The following CPED1 variants were observed in gnomAD, a reference collection of about 807,000 sequenced individuals.
CPED1 encodes the protein cadherin-like and PC-esterase domain-containing protein 1.
CPED1 carries 114 observed loss-of-function variants against 128.2 expected under a neutral mutation model. That is an observed-to-expected ratio of 0.89 (90% CI 0.76 to 1.04). The LOEUF is 1.04. CPED1 is among the 50% of genes least tolerant of loss of function. CPED1 has a pLI of 0.00. For missense variants in CPED1, 1,211 were observed against 1,207.1 expected (o/e 1.00, Z -0.05); for synonymous variants, 462 against 426.7 (o/e 1.08, Z -1.02).
chr7:121,238,641 C>T (rs968491895), intron 17 of CPED1, among the ~76,000 whole-genome samples: 1 of 151,900 alleles, frequency 6.6e-6, no homozygotes, highest in Non-Finnish European at 1.5e-5. Context: ...GGCACAGGGC[C>T]ATTCATAGGG....
chr7:121,091,545 A>G (rs1041891124), intron 5 of CPED1, among the ~76,000 whole-genome samples: 1 of 152,184 alleles, frequency 6.6e-6, no homozygotes, highest in Non-Finnish European at 1.5e-5. Flanking sequence ...CGAAGTTAGA[A>G]ACAAGATTTC....
At chr7:121,192,408 C>A (rs1797162843) in intron 16 of CPED1, among the ~76,000 whole-genome samples, 1 of 152,132 alleles carries the variant, frequency 6.6e-6, no homozygotes, top group Non-Finnish European at 1.5e-5. Flanking sequence ...CTAAAAACAT[C>A]TGAAGTCCAA....
At chr7:121,126,391 C>T (rs1429888979) in intron 9 of CPED1, among the ~76,000 whole-genome samples, 2 of 151,382 alleles carry the variant, frequency 1.3e-5, no homozygotes, top group Non-Finnish European at 2.9e-5. Context: ...CTTTTCCTTC[C>T]TCTCAAATTA....
intron 16 of CPED1, among the ~76,000 whole-genome samples, chr7:121,191,201 C>A (rs1797129941): frequency 6.6e-6 from 1 of 152,092 alleles, no homozygotes; most frequent in African/African-American, 2.4e-5. Context: ...ATATAAACCG[C>A]AATCCAAACT....
At chr7:121,185,281 G>A (rs1796978012) in intron 16 of CPED1, among the ~76,000 whole-genome samples, 1 of 152,180 alleles carries the variant, frequency 6.6e-6, no homozygotes, top group South Asian at 2.1e-4. Context: ...TCTATACAGA[G>A]ATGGCAAAAG....
chr7:121,155,809 A>G (rs563333953), intron 16 of CPED1, among the ~76,000 whole-genome samples: 8 of 152,302 alleles, frequency 5.3e-5, no homozygotes, highest in South Asian at 2.1e-4. Flanking sequence ...AGATTTTTGT[A>G]TAAGACCTTA....
At chr7:121,263,853 C>A (rs1792068803) in intron 18 of CPED1, among the ~76,000 whole-genome samples, 1 of 152,014 alleles carries the variant, frequency 6.6e-6, no homozygotes, top group African/African-American at 2.4e-5. Context: ...AAAACCCACA[C>A]TGGCAATTTA....
intron 16 of CPED1, among the ~76,000 whole-genome samples, chr7:121,200,314 T>C (rs1184774372): frequency 6.6e-6 from 1 of 152,116 alleles, no homozygotes; most frequent in East Asian, 1.9e-4. Flanking sequence ...CCAGCCTCTC[T>C]GCTGGTGAAA....
At chr7:121,257,207 C>A (rs1163409513) in intron 18 of CPED1, among the ~76,000 whole-genome samples, 1 of 151,918 alleles carries the variant, frequency 6.6e-6, no homozygotes, top group African/African-American at 2.4e-5. Context: ...TACGCCATAT[C>A]TGCAATAAAA....
chr7:121,151,865 C>CCTTTG (rs1796167317), intron 16 of CPED1, among the ~76,000 whole-genome samples: 2 of 93,800 alleles, frequency 2.1e-5, no homozygotes, highest in Non-Finnish European at 4.7e-5. Context: ...TTTCCACATG[C>CCTTTG]ATGTGACATT....
At chr7:121,251,832 A>G (rs200299025) in intron 18 of CPED1, among the ~76,000 whole-genome samples, 44,793 of 125,386 alleles carry the variant, frequency 0.36, 9,134 homozygotes, top group Middle Eastern at 0.47. Context: ...ACAAATGGAA[A>G]AACATTCCAT....
chr7:121,187,461 A>T (rs1018314757), intron 16 of CPED1, among the ~76,000 whole-genome samples: 2 of 152,166 alleles, frequency 1.3e-5, no homozygotes, highest in Non-Finnish European at 2.9e-5. Context: ...AGAGGGTGAT[A>T]TATGAAGAGG....
At chr7:121,097,367 C>A (rs1794724381) in intron 5 of CPED1, among the ~76,000 whole-genome samples, 1 of 152,126 alleles carries the variant, frequency 6.6e-6, no homozygotes. Context: ...CCACCACCCC[C>A]TCATTGAGAA....
rs192725588 is a variant in CPED1 at position 121,252,976 on chromosome 7, G to A, written c.2310+8638G>A. Among the ~76,000 whole-genome samples, 1,030 of 152,260 alleles carry A rather than the reference G, an allele frequency of 6.8e-3. 9 individuals are homozygous for A. Among genetic ancestry groups the A allele is most frequent in the African/African-American group, 0.023 (942 of 41,542 alleles). On this transcript the variant is annotated intron_variant, in intron 18 of 22. Transcript: ENST00000310396. ...CCCATTACTGGGTATATACCCAGAG[G>A]ATTATAAATCATGCTGCTATAAAGA...
chr7:121,048,365 G>A lies in CPED1; in HGVS notation c.540+1372G>A, dbSNP rs539714585. ...AGCGCTTCTGTTTCGTTTGTTGTAAGCAGAATCACCCAGTCTGTCATCTCC... is the reference window on the plus strand; with the variant it reads ...AGCGCTTCTGTTTCGTTTGTTGTAAACAGAATCACCCAGTCTGTCATCTCC... On this transcript the variant is annotated intron_variant, in intron 4 of 22. Coordinates refer to ENST00000310396, the MANE Select transcript of CPED1 (RefSeq NM_024913.5). Among the ~76,000 whole-genome samples the A allele has an allele frequency of 2.6e-5, 4 of 152,244 alleles. No homozygotes were observed. In the East Asian group the frequency reaches 7.7e-4, roughly 29 times the overall value.
At chr7:121,092,805 A>C (rs1379193735) in intron 5 of CPED1, among the ~76,000 whole-genome samples, 1 of 152,134 alleles carries the variant, frequency 6.6e-6, no homozygotes, top group East Asian at 1.9e-4. Context: ...AGAACATGAG[A>C]AGTTAACAGT....
chr7:121,117,924 C>CA (rs34781215), intron 7 of CPED1, among the ~76,000 whole-genome samples: 23 of 145,700 alleles, frequency 1.6e-4, no homozygotes, highest in Admixed American at 4.1e-4. Flanking sequence ...AAACATTTGC[C>CA]AAAAAAAAAA....
chr7:121,234,964 G>T (rs1195552236), intron 16 of CPED1, among the ~76,000 whole-genome samples: 1 of 152,060 alleles, frequency 6.6e-6, no homozygotes, highest in African/African-American at 2.4e-5. Flanking sequence ...GACCCAGAAG[G>T]CTCCAGGGTT....
At chr7:121,200,596 A>G (rs1273967221) in intron 16 of CPED1, among the ~76,000 whole-genome samples, 3 of 152,148 alleles carry the variant, frequency 2.0e-5, no homozygotes, top group Non-Finnish European at 4.4e-5. Flanking sequence ...AGCAGAACTT[A>G]TTACAATATT....
Sources: allele counts gnomAD v4.1 joint callset (sites outside exome capture counted in the v4.1 genomes callset), GRCh38; gene constraint gnomAD v4.1.1; transcripts MANE v1.5; gene names NCBI Gene and HGNC (gene_info 2026-07-23, HGNC 2026-07-21).